Variants in SLC7A6 observed in about 807,000 individuals in gnomAD.
The protein encoded by SLC7A6 is solute carrier family 7 member 6.
A neutral mutation model predicts 46.6 loss-of-function variants in SLC7A6; 29 were observed. The observed-to-expected ratio is 0.62, with a 90% confidence interval of 0.46 to 0.85. The LOEUF (loss-of-function observed/expected upper bound fraction) is 0.85. Ranked by LOEUF, SLC7A6 falls within the 40% of genes least tolerant of loss-of-function variation. The pLI, the probability that SLC7A6 is intolerant of heterozygous loss-of-function variation, is 0.00. For synonymous variants in SLC7A6, 276 were observed against 257.3 expected (o/e 1.07, Z -0.70); for missense variants, 527 against 647.6 (o/e 0.81, Z 2.02).
intron 9 of SLC7A6, 41 bp from the exon 10 acceptor site, chr16:68,296,586 C>G: frequency 6.2e-7 from 1 of 1,613,600 alleles, no homozygotes; most frequent in Non-Finnish European, 8.5e-7. Flanking sequence ...GAGCTGTTTC[C>G]TCTTCCCACG....
At chr16:68,277,731 G>A (rs2042739724) in intron 3 of SLC7A6, among the ~76,000 whole-genome samples, 1 of 151,752 alleles carries the variant, frequency 6.6e-6, no homozygotes, top group Non-Finnish European at 1.5e-5. Flanking sequence ...GGGTTCAAGC[G>A]ATTCTCCTGA....
In SLC7A6 at chr16:68,296,809, G is replaced by C. The variant is rs746274982; in HGVS notation, c.1452G>C (p.Leu484=). 4.3e-6 allele frequency: 7 copies of C among 1,613,836 alleles called. No homozygotes were observed. Among genetic ancestry groups the C allele is most frequent in the Non-Finnish European group, 5.9e-6 (7 of 1,179,970 alleles). ...SRRPLFIRNV[L]AAITRGTQQL... is the part of the protein sequence containing the mutation. Reference sequence around the variant, plus strand: ...GGCCATTGTTTATTCGGAATGTCCTGGGTGAGCTTCTCTGTGCCCCATTAC... The same window carrying C: ...GGCCATTGTTTATTCGGAATGTCCTCGGTGAGCTTCTCTGTGCCCCATTAC... The change falls in exon 10 of 11, where the codon CTG becomes CTC. Residue 484 remains leucine (L), a splice_region_variant and synonymous_variant. Coordinates refer to ENST00000219343, the MANE Select transcript of SLC7A6 (RefSeq NM_003983.6).
rs1041949013 is a variant in SLC7A6 at position 68,300,396 on chromosome 16, GTTGTTAATAAAA to G, written c.*3072_*3083del. The stretch of plus-strand genomic sequence containing the variant: ...CAGAGTCTGCTTAGAAGAGATACAA[GTTGTTAATAAAA>G]TTGATCCTGTTGATAGTAGTTTGTT... On this transcript the variant is annotated 3_prime_UTR_variant, in exon 11 of 11. Transcript: ENST00000219343. 6.4e-5 allele frequency: 10 copies of G among 155,146 alleles called. No individual in the cohort carries two copies. The highest frequency in any genetic ancestry group is 5.9e-4 in the Admixed American group (9 of 15,284). The allele number at this position is 155,146 out of a possible 1,614,324, so 9.6% of individuals were successfully genotyped here.
rs1392061459 is a variant in SLC7A6, at chr16:68,298,476, TGTCCCTGGCACCAG to T, written c.*1150_*1163del. The T allele has an allele frequency of 6.6e-6, 1 of 152,346 alleles. No individual in the cohort carries two copies. Among genetic ancestry groups the T allele is most frequent in the African/African-American group, 2.4e-5 (1 of 41,476 alleles). 9.4% of individuals were successfully genotyped at this position (152,346 alleles called of 1,614,324 possible). On this transcript the variant is annotated 3_prime_UTR_variant, in exon 11 of 11. Transcript: ENST00000219343. ...CCTCACATCAGGCTGCATCCTCTTC[TGTCCCTGGCACCAG>T]GCTTTGTTTACACTTGGAGCCACCT...
intron 2 of SLC7A6, among the ~76,000 whole-genome samples, chr16:68,268,708 T>A (rs552811531): frequency 6.6e-5 from 10 of 152,328 alleles, no homozygotes; most frequent in South Asian, 4.1e-4. Flanking sequence ...TTAAAATTTT[T>A]AAAAATTTTT....
chr16:68,301,009 A>G lies in SLC7A6; in HGVS notation c.*3681A>G, dbSNP rs946025479. 2.7e-6 allele frequency: 3 copies of G among 1,112,416 alleles called. No homozygotes were observed. In the African/African-American group the frequency reaches 4.9e-5, roughly 18 times the overall value. 68.9% of individuals were successfully genotyped at this position (1,112,416 alleles called of 1,614,324 possible). The stretch of plus-strand genomic sequence containing the variant: ...TGGGCCAAGAAGCTAAAGCTAAAGA[A>G]ACCTTCCTTTTTTCAACGTTTTTTT... On this transcript the variant is annotated 3_prime_UTR_variant, in exon 11 of 11. Transcript: ENST00000219343.
chr16:68,278,296 C>T (rs1205624638), intron 3 of SLC7A6, among the ~76,000 whole-genome samples: 1 of 149,162 alleles, frequency 6.7e-6, no homozygotes, highest in Non-Finnish European at 1.5e-5. Flanking sequence ...AGGTTGTATA[C>T]TGCTTTATAA....
In SLC7A6 at chr16:68,301,472, C is replaced by T. The variant is rs2043274473; in HGVS notation, c.*4144C>T. On this transcript the variant is annotated 3_prime_UTR_variant, in exon 11 of 11. Coordinates refer to ENST00000219343, the MANE Select transcript of SLC7A6 (RefSeq NM_003983.6). ...CTAGGCTACTGCAGGAGCCCCTTCT[C>T]TTCTCAGAAAGGTCTGTTTTTGTTC... is the stretch of plus-strand genomic sequence containing the variant. The T allele has an allele frequency of 1.4e-6, 2 of 1,460,696 alleles. No individual in the cohort carries two copies. The highest frequency in any genetic ancestry group is 3.7e-5 in the Admixed American group (2 of 54,290). 90.5% of individuals were successfully genotyped at this position (1,460,696 alleles called of 1,614,324 possible). A position where few individuals can be genotyped will look rare whatever the true frequency, so the allele number is the denominator to read the frequency against.
At chr16:68,294,925 ATT>A in intron 8 of SLC7A6, 124 bp downstream of exon 8, 1 of 641,600 alleles carries the variant, frequency 1.6e-6, no homozygotes, top group South Asian at 1.9e-5. Flanking sequence ...AAAACAGTTC[ATT>A]TTTTGTTGTC....
rs1293245835 is a variant in SLC7A6 at position 68,300,533 on chromosome 16, T to TAATC, written c.*3209_*3212dup. 4.8e-6 allele frequency: 4 copies of TAATC among 834,450 alleles called. No homozygotes were observed. The African/African-American group carries it at 7.4e-5, about 15-fold the overall frequency. 51.7% of individuals were successfully genotyped at this position (834,450 alleles called of 1,614,324 possible). Reference sequence around the variant, plus strand: ...CCTTGCCTTAAGTCCTTGGTATTTATAATCAATGCTGAACCTTCTATTTCA... The same window carrying TAATC: ...CCTTGCCTTAAGTCCTTGGTATTTATAATCAATCAATGCTGAACCTTCTATTTCA... On this transcript the variant is annotated 3_prime_UTR_variant, in exon 11 of 11. Coordinates refer to ENST00000219343, the MANE Select transcript of SLC7A6 (RefSeq NM_003983.6).
chr16:68,284,696 C>T, intron 3 of SLC7A6: 4 of 977,318 alleles, frequency 4.1e-6, no homozygotes, highest in Non-Finnish European at 4.9e-6. Flanking sequence ...CCCCTTGGAG[C>T]TGCAAACCAG....
Position 68,266,331 on chromosome 16 carries a change from A to G in SLC7A6, c.-165-262A>G, listed in dbSNP as rs1473674282. Among the ~76,000 whole-genome samples, 4 of 152,228 alleles carry G rather than the reference A, an allele frequency of 2.6e-5. No individual in the cohort carries two copies. In the East Asian group the frequency reaches 7.7e-4, roughly 29 times the overall value. On this transcript the variant is annotated intron_variant, in intron 1 of 10. Coordinates refer to ENST00000219343, the MANE Select transcript of SLC7A6 (RefSeq NM_003983.6). ...GGGCCCCAGAGCTGCCTAGACTTACATGATTTAATGTGACAAGGCCAGTTC... is the reference window on the plus strand; with the variant it reads ...GGGCCCCAGAGCTGCCTAGACTTACGTGATTTAATGTGACAAGGCCAGTTC...
intron 3 of SLC7A6, among the ~76,000 whole-genome samples, chr16:68,278,991 C>G (rs150295756): frequency 1.3e-5 from 2 of 152,030 alleles, no homozygotes; most frequent in African/African-American, 2.4e-5. Flanking sequence ...GGCTGCCCCC[C>G]ACCTCCCTCC....
chr16:68,287,963 T>C lies in SLC7A6; in HGVS notation c.649+92T>C, dbSNP rs529312083. 5.0e-5 allele frequency: 76 copies of C among 1,527,954 alleles called. No individual in the cohort carries two copies. In the Admixed American group the frequency reaches 1.4e-3, roughly 27 times the overall value. The allele number at this position is 1,527,954 out of a possible 1,614,324, so 94.6% of individuals were successfully genotyped here. ...CTGTTAGCTTCACTGCTCGGCTGTT[T>C]CTATGTACATGCTAGCATGTGTCAG... is the stretch of plus-strand genomic sequence containing the variant. On this transcript the variant is annotated intron_variant, in intron 4 of 10. Transcript: ENST00000219343.
At chr16:68,280,217 G>A (rs545737089) in intron 3 of SLC7A6, among the ~76,000 whole-genome samples, 3 of 152,318 alleles carry the variant, frequency 2.0e-5, no homozygotes, top group African/African-American at 7.2e-5. Context: ...GTAAGACTTC[G>A]GTAGGATAGG....
chr16:68,301,271 AC>A lies in SLC7A6; in HGVS notation c.*3945del. On this transcript the variant is annotated 3_prime_UTR_variant, in exon 11 of 11. Coordinates refer to ENST00000219343, the MANE Select transcript of SLC7A6 (RefSeq NM_003983.6). ...GGCAGAACCTCATGGACATCACAAG[AC>A]CATCAGTCTGAATCCAGGTCGTGGG... 1 of 1,613,896 alleles carries A rather than the reference AC, an allele frequency of 6.2e-7. No homozygotes were observed. Among genetic ancestry groups the A allele is most frequent in the Non-Finnish European group, 8.5e-7 (1 of 1,179,838 alleles).
Position 68,300,543 on chromosome 16 carries a change from T to A in SLC7A6, c.*3215T>A. The A allele has an allele frequency of 1.1e-6, 1 of 887,894 alleles. No individual in the cohort carries two copies. The highest frequency in any genetic ancestry group is 1.3e-6 in the Non-Finnish European group (1 of 741,032). 55.0% of individuals were successfully genotyped at this position (887,894 alleles called of 1,614,324 possible). A position where few individuals can be genotyped will look rare whatever the true frequency, so the allele number is the denominator to read the frequency against. ...AGTCCTTGGTATTTATAATCAATGCTGAACCTTCTATTTCACTACCGCTCC... is the reference window on the plus strand; with the variant it reads ...AGTCCTTGGTATTTATAATCAATGCAGAACCTTCTATTTCACTACCGCTCC... On this transcript the variant is annotated 3_prime_UTR_variant, in exon 11 of 11. Coordinates refer to ENST00000219343, the MANE Select transcript of SLC7A6 (RefSeq NM_003983.6).
At position 68,291,262 on chromosome 16, in the gene SLC7A6, T is replaced by C. The variant is rs780646154; in HGVS notation, c.848T>C (p.Ile283Thr). Residue 283 changes from isoleucine (I) to threonine (T), a missense_variant, in exon 6 of 11, where the codon ATC becomes ACC. Ile to Thr is a moderately conservative substitution (Grantham distance 89, BLOSUM62 -1). Coordinates refer to ENST00000219343, the MANE Select transcript of SLC7A6 (RefSeq NM_003983.6). Reference sequence around the variant, plus strand: ...ATGCCAATTGTGACGCTCATCTACATCCTGACCAATGTGGCCTATTACACA... The same window carrying C: ...ATGCCAATTGTGACGCTCATCTACACCCTGACCAATGTGGCCTATTACACA... The part of the protein sequence containing the change: ...ISMPIVTLIY[I>T]LTNVAYYTVL... 3 of 1,614,244 alleles carry C rather than the reference T, an allele frequency of 1.9e-6. No homozygotes were observed. The highest frequency in any genetic ancestry group is 2.5e-6 in the Non-Finnish European group (3 of 1,180,038).
chr16:68,290,176 A>G, intron 4 of SLC7A6: 1 of 534,696 alleles, frequency 1.9e-6, no homozygotes, highest in African/African-American at 1.9e-5. Context: ...GTAGGGAGCT[A>G]GTGGTTGTTG....
Sources: gnomAD v4.1 joint callset for allele counts (sites outside exome capture counted in the v4.1 genomes callset) on GRCh38, gnomAD v4.1.1 for gene constraint, MANE v1.5 for transcripts, NCBI Gene and HGNC (gene_info 2026-07-23, HGNC 2026-07-21) for gene names.